The following RNF220 variants were observed in gnomAD, a reference collection of about 807,000 sequenced individuals.
RNF220 encodes the protein ring finger protein 220.
A neutral mutation model predicts 67.1 loss-of-function variants in RNF220; 7 were observed. That is an observed-to-expected ratio of 0.10 (90% CI 0.06 to 0.20). RNF220 has a LOEUF of 0.20. Among genes scored for constraint, RNF220 ranks in the 10% least tolerant of loss-of-function variants. The pLI, the probability that RNF220 is intolerant of heterozygous loss-of-function variation, is 1.00. For synonymous variants in RNF220, 270 were observed against 283.2 expected (o/e 0.95, Z 0.47); for missense variants, 565 against 740.3 (o/e 0.76, Z 2.75).
At chr1:44,459,815 A>T (rs148353037) in intron 2 of RNF220, among the ~76,000 whole-genome samples, 3 of 152,192 alleles carry the variant, frequency 2.0e-5, no homozygotes, top group Admixed American at 6.5e-5. Flanking sequence ...CAAGTGTATT[A>T]AAGAGGTGAG....
chr1:44,566,207 C>A (rs574377106), intron 2 of RNF220, among the ~76,000 whole-genome samples: 1 of 152,284 alleles, frequency 6.6e-6, no homozygotes, highest in Non-Finnish European at 1.5e-5. Context: ...GGGAGTGCAG[C>A]GCCCAGCCCA....
At chr1:44,493,516 AAAAATAAATAAAT>A (rs140725977) in intron 2 of RNF220, among the ~76,000 whole-genome samples, 8,313 of 152,112 alleles carry the variant, frequency 0.055, 373 homozygotes, top group East Asian at 0.19. Flanking sequence ...CTCCGTCTCA[AAAAATAAATAAAT>A]AAAATAAATA....
intron 2 of RNF220, among the ~76,000 whole-genome samples, chr1:44,461,880 T>C (rs1210365407): frequency 6.6e-6 from 1 of 151,994 alleles, no homozygotes; most frequent in African/African-American, 2.4e-5. Flanking sequence ...ATGCAGTGTA[T>C]ACAATTGTAA....
rs117459601 is a variant in RNF220, at chr1:44,439,857, G to A, written c.625+27135G>A. ...AGGAGGGCCATAGGGTTTACAGCTAGTGGAAAATACAGACAGACCAGTCGT... is the reference window on the plus strand; with the variant it reads ...AGGAGGGCCATAGGGTTTACAGCTAATGGAAAATACAGACAGACCAGTCGT... On this transcript the variant is annotated intron_variant, in intron 2 of 14. Transcript: ENST00000361799. Among the ~76,000 whole-genome samples the A allele has an allele frequency of 3.5e-4, 53 of 152,362 alleles. 1 individual carries two copies. The East Asian group carries it at 8.3e-3, about 24-fold the overall frequency.
At chr1:44,434,533 C>T (rs986961215) in intron 2 of RNF220, among the ~76,000 whole-genome samples, 25 of 151,856 alleles carry the variant, frequency 1.6e-4, no homozygotes, top group African/African-American at 5.8e-4. Flanking sequence ...ACGGTGAAAC[C>T]ACGTCTCTAC....
intron 8 of RNF220, 87 bp from the exon 9 acceptor site, chr1:44,644,607 TCCAA>T: frequency 2.1e-6 from 2 of 959,026 alleles, no homozygotes; most frequent in Admixed American, 3.6e-5. Context: ...CCTTATCAGG[TCCAA>T]AGCCTAACCC....
At chr1:44,526,452 T>G (rs1660381927) in intron 2 of RNF220, among the ~76,000 whole-genome samples, 1 of 152,202 alleles carries the variant, frequency 6.6e-6, no homozygotes, top group Non-Finnish European at 1.5e-5. Flanking sequence ...GGAGGCCATC[T>G]TCACTGAATT....
At position 44,438,053 on chromosome 1, in the gene RNF220, G is replaced by A. The variant is rs1450343719; in HGVS notation, c.625+25331G>A. On this transcript the variant is annotated intron_variant, in intron 2 of 14. Transcript: ENST00000361799. ...ACTTCTGCCCTCCAGCATTGCAATC[G>A]TGTATACAAAGGATCAACTATTAGA... Among the ~76,000 whole-genome samples, 5 of 152,168 alleles carry A rather than the reference G, an allele frequency of 3.3e-5. No individual in the cohort carries two copies. In the East Asian group the frequency reaches 7.7e-4, roughly 23 times the overall value.
At chr1:44,419,966 G>A (rs1649025552) in intron 2 of RNF220, 1 of 152,078 alleles carries the variant, frequency 6.6e-6, no homozygotes, top group African/African-American at 2.4e-5. Flanking sequence ...ATCCCCTATC[G>A]TGGAGTCCAC....
intron 2 of RNF220, among the ~76,000 whole-genome samples, chr1:44,425,770 G>A (rs146298668): frequency 3.3e-5 from 5 of 152,260 alleles, no homozygotes; most frequent in African/African-American, 7.2e-5. Flanking sequence ...AAAAGTAACC[G>A]TATAAATGCC....
intron 2 of RNF220, among the ~76,000 whole-genome samples, chr1:44,521,983 C>A (rs1323288434): frequency 6.6e-6 from 1 of 152,200 alleles, no homozygotes; most frequent in African/African-American, 2.4e-5. Flanking sequence ...CTGAGTGTCT[C>A]AGAAAATCTG....
intron 2 of RNF220, among the ~76,000 whole-genome samples, chr1:44,567,186 A>T (rs1664088486): frequency 6.6e-6 from 1 of 152,134 alleles, no homozygotes; most frequent in Non-Finnish European, 1.5e-5. Flanking sequence ...GCTCTTGCTC[A>T]TGGACTCTGG....
intron 2 of RNF220, among the ~76,000 whole-genome samples, chr1:44,581,761 C>T (rs542041983): frequency 1.9e-4 from 29 of 152,238 alleles, no homozygotes; most frequent in African/African-American, 6.7e-4. Flanking sequence ...TGACTGGAAC[C>T]TGGGATCTGC....
intron 2 of RNF220, among the ~76,000 whole-genome samples, chr1:44,546,484 C>T (rs1002182650): frequency 7.2e-5 from 11 of 152,294 alleles, no homozygotes; most frequent in African/African-American, 1.7e-4. Context: ...AATGCTGCTG[C>T]GGGTCCCCAG....
chr1:44,595,871 C>T (rs1373277835), intron 2 of RNF220, among the ~76,000 whole-genome samples: 1 of 152,174 alleles, frequency 6.6e-6, no homozygotes, highest in Non-Finnish European at 1.5e-5. Context: ...TCACGCCATC[C>T]TCCCACCTCA....
chr1:44,626,536 C>T (rs1356282540), intron 5 of RNF220, 138 bp downstream of exon 5: 8 of 662,804 alleles, frequency 1.2e-5, no homozygotes, highest in Middle Eastern at 4.0e-4. Context: ...CCCTGTGTCC[C>T]GTGCCCCTAA....
At chr1:44,582,366 A>C (rs1471314130) in intron 2 of RNF220, among the ~76,000 whole-genome samples, 1 of 152,132 alleles carries the variant, frequency 6.6e-6, no homozygotes, top group African/African-American at 2.4e-5. Context: ...AAAGGATGGG[A>C]AAAGAAGGGC....
At chr1:44,605,004 T>C (rs1226017443) in intron 2 of RNF220, among the ~76,000 whole-genome samples, 2 of 152,044 alleles carry the variant, frequency 1.3e-5, no homozygotes, top group African/African-American at 4.8e-5. Context: ...GAGGAACAGA[T>C]AAAAGCATAT....
chr1:44,605,777 G>A (rs886088741), intron 2 of RNF220, among the ~76,000 whole-genome samples: 4 of 152,190 alleles, frequency 2.6e-5, no homozygotes, highest in African/African-American at 9.7e-5. Context: ...GCCAGGTTGT[G>A]CAACTAGCCC....
Sources: gnomAD v4.1 joint callset for allele counts (sites outside exome capture counted in the v4.1 genomes callset) on GRCh38, gnomAD v4.1.1 for gene constraint, MANE v1.5 for transcripts, NCBI Gene and HGNC (gene_info 2026-07-23, HGNC 2026-07-21) for gene names.